The following SAMMSON variants were observed in gnomAD, a reference collection of about 807,000 sequenced individuals.
SAMMSON encodes the protein survival associated mitochondrial melanoma specific oncogenic non-coding RNA.
intron 2 of SAMMSON, among the ~76,000 whole-genome samples, chr3:70,407,345 T>G (rs2193551): frequency 0.66 from 100,611 of 152,008 alleles, 33,503 homozygotes; most frequent in South Asian, 0.72. Flanking sequence ...TAACCCAAAA[T>G]TCCACAGTCC....
chr3:70,138,372 G>C (rs988726573), intron 4 of SAMMSON, among the ~76,000 whole-genome samples: 1 of 152,188 alleles, frequency 6.6e-6, no homozygotes, highest in Non-Finnish European at 1.5e-5. Flanking sequence ...CAAGGGACTG[G>C]CAGATTCAGA....
At chr3:70,289,750 T>G (rs531129086) in intron 6 of SAMMSON, among the ~76,000 whole-genome samples, 214 of 152,306 alleles carry the variant, frequency 1.4e-3, no homozygotes, top group Non-Finnish European at 2.4e-3. Context: ...TTGGAGGGTT[T>G]GCTCGTTTCT....
At chr3:70,224,156 G>T (rs1293475888) in intron 4 of SAMMSON, among the ~76,000 whole-genome samples, 1 of 152,106 alleles carries the variant, frequency 6.6e-6, no homozygotes, top group Non-Finnish European at 1.5e-5. Flanking sequence ...GAATGTGGAT[G>T]AAACTGGATT....
intron 7 of SAMMSON, among the ~76,000 whole-genome samples, chr3:70,310,612 C>T (rs959910055): frequency 2.0e-5 from 3 of 151,950 alleles, no homozygotes; most frequent in African/African-American, 4.8e-5. Flanking sequence ...GTGATCCACC[C>T]GCCTCGGCCT....
chr3:70,082,077 A>T (rs2067269788), intron 4 of SAMMSON, among the ~76,000 whole-genome samples: 1 of 152,172 alleles, frequency 6.6e-6, no homozygotes, highest in South Asian at 2.1e-4. Context: ...CCAACACAGG[A>T]ACAAATCAGT....
At chr3:70,085,312 G>A (rs11922771) in intron 4 of SAMMSON, among the ~76,000 whole-genome samples, 3,766 of 152,254 alleles carry the variant, frequency 0.025, 148 homozygotes, top group African/African-American at 0.087. Context: ...ATAAACATGC[G>A]AGAATTCTTT....
At chr3:70,262,337 A>G (rs1392030265) in intron 6 of SAMMSON, among the ~76,000 whole-genome samples, 1 of 152,218 alleles carries the variant, frequency 6.6e-6, no homozygotes, top group African/African-American at 2.4e-5. Flanking sequence ...TGCATTGCTG[A>G]GCCTCACCAT....
intron 6 of SAMMSON, among the ~76,000 whole-genome samples, chr3:70,275,489 C>T (rs1185797299): frequency 1.3e-5 from 2 of 152,172 alleles, no homozygotes; most frequent in African/African-American, 4.8e-5. Flanking sequence ...CATTCCAGAG[C>T]CTAGGTGGCA....
intron 4 of SAMMSON, among the ~76,000 whole-genome samples, chr3:70,109,292 C>T (rs2067379286): frequency 6.8e-6 from 1 of 146,522 alleles, no homozygotes; most frequent in Admixed American, 6.7e-5. Context: ...AGTCACTCTC[C>T]TAGACTGGAC....
intron 9 of SAMMSON, among the ~76,000 whole-genome samples, chr3:70,368,861 G>A (rs1702942115): frequency 6.6e-6 from 1 of 151,468 alleles, no homozygotes; most frequent in Non-Finnish European, 1.5e-5. Context: ...TTGCATTTCT[G>A]TATGAACTTT....
chr3:70,114,906 G>A (rs1228597340), intron 4 of SAMMSON, among the ~76,000 whole-genome samples: 1 of 152,144 alleles, frequency 6.6e-6, no homozygotes, highest in South Asian at 2.1e-4. Context: ...AGCATTGCAG[G>A]AAGTACTTTA....
At chr3:70,316,307 T>G (rs1252513351) in intron 7 of SAMMSON, among the ~76,000 whole-genome samples, 1 of 152,122 alleles carries the variant, frequency 6.6e-6, no homozygotes, top group South Asian at 2.1e-4. Flanking sequence ...CATTATCACT[T>G]TTCAGTGTTT....
chr3:70,125,103 G>C, intron 4 of SAMMSON: 1 of 1,125,778 alleles, frequency 8.9e-7, no homozygotes, highest in Non-Finnish European at 1.3e-6. Context: ...TCTGGTTTTT[G>C]TCTAGCAGAT....
At chr3:70,335,827 A>G (rs1702656014) in intron 7 of SAMMSON, among the ~76,000 whole-genome samples, 1 of 152,006 alleles carries the variant, frequency 6.6e-6, no homozygotes, top group African/African-American at 2.4e-5. Context: ...AAACTCTTCA[A>G]AGGATAGATT....
intron 4 of SAMMSON, among the ~76,000 whole-genome samples, chr3:70,162,501 A>G (rs1232764341): frequency 2.6e-5 from 4 of 151,814 alleles, no homozygotes; most frequent in African/African-American, 9.7e-5. Context: ...TGAAGAACAT[A>G]CTTTATATGA....
intron 4 of SAMMSON, among the ~76,000 whole-genome samples, chr3:70,231,012 G>A (rs1425433901): frequency 1.3e-5 from 2 of 152,204 alleles, no homozygotes; most frequent in African/African-American, 4.8e-5. Flanking sequence ...GGGCCTAGCA[G>A]CCCTGGAACA....
rs551815317 is a variant in SAMMSON, at chr3:70,332,413, A to T, written n.740-21762A>T. On this transcript the variant is annotated intron_variant and non_coding_transcript_variant, in intron 7 of 9. Coordinates refer to ENST00000642114, the Ensembl canonical transcript of SAMMSON. ...CTCCAAGATACCTCCCTCCATCCTC[A>T]TTCTGGTTGCAAGTTGCAGTTCCTG... Among the ~76,000 whole-genome samples, 15 of 152,208 alleles carry T rather than the reference A, an allele frequency of 9.9e-5. No individual in the cohort carries two copies. The South Asian group carries it at 3.1e-3, about 32-fold the overall frequency.
chr3:70,298,235 T>TCATA (rs1295998350), intron 7 of SAMMSON, among the ~76,000 whole-genome samples: 1 of 152,126 alleles, frequency 6.6e-6, no homozygotes, highest in East Asian at 1.9e-4. Context: ...CTTAATCTGA[T>TCATA]CATAGTTGAT....
At chr3:70,340,034 G>C (rs2106728049) in intron 7 of SAMMSON, among the ~76,000 whole-genome samples, 1 of 152,154 alleles carries the variant, frequency 6.6e-6, no homozygotes, top group East Asian at 1.9e-4. Flanking sequence ...ACTGGATTAA[G>C]AAAATGTGGC....
Sources: gnomAD v4.1 joint callset for allele counts (sites outside exome capture counted in the v4.1 genomes callset) on GRCh38, gnomAD v4.1.1 for gene constraint, MANE v1.5 for transcripts, NCBI Gene and HGNC (gene_info 2026-07-23, HGNC 2026-07-21) for gene names.